Variants in GALNT13 observed in about 807,000 individuals in gnomAD.
The protein encoded by GALNT13 is polypeptide N-acetylgalactosaminyltransferase 13, also known as UDP-GalNAc:polypeptide N-acetylgalactosaminyltransferase 13.
A neutral mutation model predicts 64.2 loss-of-function variants in GALNT13; 28 were observed. The ratio of observed to expected loss-of-function variants is 0.44; its 90% CI spans 0.32 to 0.60. GALNT13 has a LOEUF of 0.60. Among genes scored for constraint, GALNT13 ranks in the 20% least tolerant of loss-of-function variants. GALNT13 has a pLI of 0.05. For synonymous variants in GALNT13, 214 were observed against 224.6 expected (o/e 0.95, Z 0.42); for missense variants, 577 against 669.8 (o/e 0.86, Z 1.53).
At chr2:154,369,606 A>T (rs748401946) in intron 9 of GALNT13, among the ~76,000 whole-genome samples, 1 of 152,144 alleles carries the variant, frequency 6.6e-6, no homozygotes, top group Non-Finnish European at 1.5e-5. Context: ...TAGTCCATCC[A>T]TAAGGACAAA....
intron 2 of GALNT13, among the ~76,000 whole-genome samples, chr2:153,905,358 T>TTA (rs979943309): frequency 3.3e-5 from 5 of 151,966 alleles, no homozygotes; most frequent in African/African-American, 1.2e-4. Context: ...GTACTAAACC[T>TTA]TATATATAGA....
chr2:153,176,999 A>C, the GALNT13 span, among the ~76,000 whole-genome samples: 9 of 152,308 alleles, frequency 5.9e-5, no homozygotes, highest in South Asian at 4.1e-4. Context: ...AGAATTGCAC[A>C]GGAAGTTTCT....
chr2:154,412,322 A>G (rs1359827208), intron 11 of GALNT13, among the ~76,000 whole-genome samples: 1 of 151,764 alleles, frequency 6.6e-6, no homozygotes, highest in East Asian at 1.9e-4. Context: ...TTTAATAAAA[A>G]ACAGATTTTA....
At chr2:153,826,445 G>T in the GALNT13 span, among the ~76,000 whole-genome samples, 1 of 152,134 alleles carries the variant, frequency 6.6e-6, no homozygotes, top group East Asian at 1.9e-4. Context: ...ATGAGTTTTG[G>T]AGAGGACAAA....
chr2:153,989,235 G>A (rs925507991), intron 3 of GALNT13, among the ~76,000 whole-genome samples: 1 of 151,780 alleles, frequency 6.6e-6, no homozygotes, highest in Non-Finnish European at 1.5e-5. Context: ...ATATAATCTA[G>A]AATCAACATA....
intron 2 of GALNT13, among the ~76,000 whole-genome samples, chr2:153,919,562 C>T (rs1482122732): frequency 6.6e-6 from 1 of 151,818 alleles, no homozygotes; most frequent in Non-Finnish European, 1.5e-5. Flanking sequence ...AGATTATAAA[C>T]CGTGAGGCAA....
the GALNT13 span, among the ~76,000 whole-genome samples, chr2:153,859,474 T>C: frequency 2.0e-5 from 3 of 152,158 alleles, no homozygotes; most frequent in African/African-American, 7.2e-5. Flanking sequence ...CTCTCCTTAC[T>C]TACTTCATAC....
At chr2:153,447,835 G>T in the GALNT13 span, among the ~76,000 whole-genome samples, 2 of 152,064 alleles carry the variant, frequency 1.3e-5, no homozygotes. Flanking sequence ...GACTTTTAAA[G>T]GCTCTTGATA....
the GALNT13 span, among the ~76,000 whole-genome samples, chr2:153,078,394 G>A: frequency 1.3e-4 from 19 of 148,884 alleles, no homozygotes; most frequent in South Asian, 4.2e-4. Flanking sequence ...TCACTGCAAC[G>A]TCTGCCTTCT....
At chr2:153,734,646 G>C in the GALNT13 span, among the ~76,000 whole-genome samples, 1 of 152,126 alleles carries the variant, frequency 6.6e-6, no homozygotes, top group Admixed American at 6.6e-5. Context: ...TGCCCTGTAA[G>C]TCAGAGCTAC....
At chr2:153,886,186 AAAAAC>A (rs974996343) in intron 1 of GALNT13, among the ~76,000 whole-genome samples, 6 of 151,760 alleles carry the variant, frequency 4.0e-5, no homozygotes, top group African/African-American at 1.5e-4. Flanking sequence ...CTGAAAAAAA[AAAAAC>A]AAATTAACAA....
At chr2:153,505,778 T>C in the GALNT13 span, among the ~76,000 whole-genome samples, 1 of 152,286 alleles carries the variant, frequency 6.6e-6, no homozygotes, top group Admixed American at 6.5e-5. Flanking sequence ...TGCCTTATCA[T>C]GCGGTCTATC....
the GALNT13 span, among the ~76,000 whole-genome samples, chr2:153,602,510 G>T: frequency 2.0e-5 from 3 of 151,362 alleles, no homozygotes. Flanking sequence ...GAAAAAGTGA[G>T]GGAATTAGCC....
chr2:153,688,024 C>T, the GALNT13 span, among the ~76,000 whole-genome samples: 1 of 151,946 alleles, frequency 6.6e-6, no homozygotes, highest in African/African-American at 2.4e-5. Context: ...AAAGTAACTA[C>T]ACAGTTATTG....
intron 3 of GALNT13, among the ~76,000 whole-genome samples, chr2:154,138,359 A>G (rs1381969957): frequency 2.0e-5 from 3 of 152,082 alleles, no homozygotes; most frequent in African/African-American, 7.2e-5. Flanking sequence ...AAGAGGATAA[A>G]GAAGGTTTTG....
chr2:153,995,166 A>T (rs867047202), intron 3 of GALNT13, among the ~76,000 whole-genome samples: 1 of 152,088 alleles, frequency 6.6e-6, no homozygotes, highest in Non-Finnish European at 1.5e-5. Flanking sequence ...AAACATTTGC[A>T]TATCTATATT....
At chr2:153,936,966 C>T (rs1258025081) in intron 2 of GALNT13, among the ~76,000 whole-genome samples, 1 of 152,124 alleles carries the variant, frequency 6.6e-6, no homozygotes, top group Non-Finnish European at 1.5e-5. Context: ...TTCCGCCCAC[C>T]TTGGCCTCCC....
intron 4 of GALNT13, among the ~76,000 whole-genome samples, chr2:154,173,269 A>G (rs1169495800): frequency 6.6e-6 from 1 of 151,952 alleles, no homozygotes. Context: ...GAAACTGGAT[A>G]ACTGTAGAAG....
the GALNT13 span, among the ~76,000 whole-genome samples, chr2:153,786,487 C>G: frequency 2.0e-5 from 3 of 152,110 alleles, no homozygotes; most frequent in Non-Finnish European, 2.9e-5. Flanking sequence ...GACAACTCCT[C>G]TGCCACTGCC....
Sources: gnomAD v4.1 joint callset for allele counts (sites outside exome capture counted in the v4.1 genomes callset) on GRCh38, gnomAD v4.1.1 for gene constraint, MANE v1.5 for transcripts, NCBI Gene and HGNC (gene_info 2026-07-23, HGNC 2026-07-21) for gene names.